The following JPH3 variants were observed in gnomAD, a reference collection of about 807,000 sequenced individuals.
JPH3 encodes junctophilin-3.
JPH3 carries 11 observed loss-of-function variants against 59.6 expected under a neutral mutation model. That is an observed-to-expected ratio of 0.18 (90% CI 0.12 to 0.31). The LOEUF (loss-of-function observed/expected upper bound fraction) is 0.31, where lower values mean the gene tolerates loss of function less well. Ranked by LOEUF, JPH3 falls within the 10% of genes least tolerant of loss-of-function variation. The probability of loss-of-function intolerance (pLI) is 1.00; values close to 1 mark genes in which losing one functional copy is unlikely to be tolerated. For synonymous variants in JPH3, 673 were observed against 483.6 expected, an observed-to-expected ratio of 1.39 and a Z score of -5.14; for missense variants, 1,202 against 1,105.7, an observed-to-expected ratio of 1.09 and a Z score of -1.24.
chr16:87,628,655 C>G (rs915497776), intron 1 of JPH3, among the ~76,000 whole-genome samples: 1 of 152,196 alleles, frequency 6.6e-6, no homozygotes, highest in African/African-American at 2.4e-5. Flanking sequence ...CAATAACATG[C>G]TAATGTCTCC....
chr16:87,653,690 C>A (rs1405655683), intron 2 of JPH3: 2 of 152,164 alleles, frequency 1.3e-5, no homozygotes, highest in East Asian at 1.9e-4. Context: ...TGCTTAGTGT[C>A]CCCCTAAAGT....
At chr16:87,649,117 C>A (rs566365313) in intron 2 of JPH3, among the ~76,000 whole-genome samples, 7 of 152,298 alleles carry the variant, frequency 4.6e-5, no homozygotes, top group Non-Finnish European at 7.4e-5. Context: ...CTGGGTGAGA[C>A]CCTCTGCTGC....
At chr16:87,695,014 T>G (rs1366391427) in intron 4 of JPH3, 1 of 322,258 alleles carries the variant, frequency 3.1e-6, no homozygotes, top group African/African-American at 2.2e-5. Context: ...CGGGAGTGTG[T>G]GCACACACAA....
intron 4 of JPH3, chr16:87,694,811 G>C (rs1270345740): frequency 5.2e-6 from 1 of 193,694 alleles, no homozygotes; most frequent in African/African-American, 2.4e-5. Context: ...GCAGGCACTT[G>C]CTGTCCCCTC....
chr16:87,603,911 C>T (rs1191199742), intron 1 of JPH3, among the ~76,000 whole-genome samples: 2 of 152,230 alleles, frequency 1.3e-5, no homozygotes, highest in African/African-American at 4.8e-5. Context: ...TTGGCTTTGC[C>T]CCCCACCCTG....
At chr16:87,633,894 C>G (rs1422300257) in intron 1 of JPH3, among the ~76,000 whole-genome samples, 1 of 147,980 alleles carries the variant, frequency 6.8e-6, no homozygotes, top group African/African-American at 2.7e-5. Context: ...AACCATAACC[C>G]CAAACCCTTG....
intron 2 of JPH3, among the ~76,000 whole-genome samples, chr16:87,649,450 C>G (rs935331602): frequency 6.6e-6 from 1 of 152,220 alleles, no homozygotes; most frequent in African/African-American, 2.4e-5. Context: ...CAGTCCTCCT[C>G]GAAGCCCGGG....
intron 1 of JPH3, among the ~76,000 whole-genome samples, chr16:87,640,301 C>G (rs1028754084): frequency 1.7e-4 from 25 of 150,106 alleles, no homozygotes; most frequent in Admixed American, 6.0e-4. Flanking sequence ...TGCACTCTAG[C>G]CTGGCGACAG....
intron 3 of JPH3, 61 bp from the exon 4 acceptor site, chr16:87,689,585 C>T (rs754562971): frequency 1.5e-4 from 227 of 1,549,870 alleles, no homozygotes; most frequent in Non-Finnish European, 1.9e-4. Flanking sequence ...CCGGGGACCG[C>T]GGCCTCGCTG....
intron 2 of JPH3, among the ~76,000 whole-genome samples, chr16:87,661,658 C>G (rs972480099): frequency 2.0e-5 from 3 of 152,212 alleles, no homozygotes; most frequent in Non-Finnish European, 4.4e-5. Flanking sequence ...TGCTCAGAGA[C>G]GAAGAGTCAC....
chr16:87,620,892 G>A (rs573423920), intron 1 of JPH3, among the ~76,000 whole-genome samples: 2 of 152,294 alleles, frequency 1.3e-5, no homozygotes, highest in East Asian at 1.9e-4. Flanking sequence ...TGGGTACGGT[G>A]GCTCGCGCCT....
chr16:87,611,077 G>T lies in JPH3; in HGVS notation c.382+7549G>T, dbSNP rs74039509. Among the ~76,000 whole-genome samples the T allele has an allele frequency of 1.7e-3, 264 of 152,318 alleles. 1 individual carries two copies. The highest frequency in any genetic ancestry group is 6.0e-3 in the African/African-American group (248 of 41,572). On this transcript the variant is annotated intron_variant, in intron 1 of 4. Coordinates refer to ENST00000284262, the MANE Select transcript of JPH3 (RefSeq NM_020655.4). The surrounding 1 kb of genome is among the most constrained non-coding windows in gnomAD (Gnocchi z 4.5). Reference sequence around the variant, plus strand: ...TATTTGCTGAGCATTGAGTATGTACGCAGTACAGAGTTTGTGGTAACGTGG... The same window carrying T: ...TATTTGCTGAGCATTGAGTATGTACTCAGTACAGAGTTTGTGGTAACGTGG...
chr16:87,653,713 A>G (rs1297373536), intron 2 of JPH3: 2 of 152,232 alleles, frequency 1.3e-5, no homozygotes, highest in Non-Finnish European at 2.9e-5. Context: ...ATGCCAGTTA[A>G]TGTGATCGTG....
chr16:87,633,430 C>G (rs1252401420), intron 1 of JPH3, among the ~76,000 whole-genome samples: 2 of 151,646 alleles, frequency 1.3e-5, no homozygotes, highest in African/African-American at 4.9e-5. Context: ...CGCAATTAAG[C>G]CCATAGTGAA....
At chr16:87,695,457 CGGGGGCTCT>C (rs950952257) in intron 4 of JPH3, 21 of 455,682 alleles carry the variant, frequency 4.6e-5, no homozygotes, top group Non-Finnish European at 8.4e-5. Flanking sequence ...TGGAGGGCTC[CGGGGGCTCT>C]GAACAGCTCC....
At chr16:87,655,201 C>G (rs2032455184) in intron 2 of JPH3, among the ~76,000 whole-genome samples, 1 of 152,246 alleles carries the variant, frequency 6.6e-6, no homozygotes, top group African/African-American at 2.4e-5. Flanking sequence ...GGCCTTCCCG[C>G]CACCCCCGCC....
intron 1 of JPH3, 35 bp from the exon 2 acceptor site, chr16:87,644,223 G>C: frequency 1.3e-6 from 2 of 1,568,380 alleles, no homozygotes; most frequent in Non-Finnish European, 1.7e-6. Flanking sequence ...CTCCTCTGTC[G>C]CTGGGCACTC....
At chr16:87,675,509 C>T (rs565872665) in intron 2 of JPH3, among the ~76,000 whole-genome samples, 2 of 152,186 alleles carry the variant, frequency 1.3e-5, no homozygotes, top group South Asian at 2.1e-4. Context: ...CAGATGAGCC[C>T]AGCAGACACT....
intron 2 of JPH3, among the ~76,000 whole-genome samples, chr16:87,655,202 C>T (rs976564842): frequency 1.3e-5 from 2 of 152,256 alleles, no homozygotes; most frequent in Non-Finnish European, 2.9e-5. Context: ...GCCTTCCCGC[C>T]ACCCCCGCCA....
Sources: gnomAD v4.1 joint callset for allele counts (sites outside exome capture counted in the v4.1 genomes callset) on GRCh38, gnomAD v4.1.1 for gene constraint, Gnocchi (gnomAD v3.1) non-coding constraint, MANE v1.5 for transcripts, NCBI Gene and HGNC (gene_info 2026-07-23, HGNC 2026-07-21) for gene names.